The following PTPRN2 variants were observed in gnomAD, a reference collection of about 807,000 sequenced individuals.
PTPRN2 encodes receptor-type tyrosine-protein phosphatase N2.
In PTPRN2, 74 loss-of-function variants were observed where a neutral mutation model predicts 118.8. The observed-to-expected ratio is 0.62, with a 90% CI of 0.52 to 0.76. The LOEUF is 0.76. Among genes scored for constraint, PTPRN2 ranks in the 30% least tolerant of loss-of-function variants. The probability of loss-of-function intolerance (pLI) is 0.00; values close to 1 mark genes in which losing one functional copy is unlikely to be tolerated. For synonymous variants in PTPRN2, 641 were observed against 608.0 expected (o/e 1.05, Z -0.80); for missense variants, 1,481 against 1,394.4 (o/e 1.06, Z -0.99).
At chr7:158,254,946 C>T (rs10248016) in intron 3 of PTPRN2, among the ~76,000 whole-genome samples, 121,248 of 152,272 alleles carry the variant, frequency 0.8, 48,578 homozygotes, top group African/African-American at 0.87. Flanking sequence ...GGGAAAATCC[C>T]GAGGCATGGC....
chr7:158,346,293 C>T (rs942730079), intron 2 of PTPRN2, among the ~76,000 whole-genome samples: 4 of 152,336 alleles, frequency 2.6e-5, no homozygotes, highest in African/African-American at 9.6e-5. Flanking sequence ...CTCCCCATTC[C>T]CTCCACCCCT....
rs1023983944 is a variant in PTPRN2 at position 157,676,315 on chromosome 7, G to A, written c.2001+6410C>T. 3.9e-5 allele frequency among the ~76,000 whole-genome samples: 6 copies of A among 151,948 alleles called. No individual in the cohort carries two copies. Among genetic ancestry groups the A allele is most frequent in the South Asian group, 2.1e-4 (1 of 4,806 alleles). ...GCCACGCCTCCATCTCCCGCCAGCCGCCAAGAGCTCCACCCACCACCTGGC... is the reference window on the plus strand; with the variant it reads ...GCCACGCCTCCATCTCCCGCCAGCCACCAAGAGCTCCACCCACCACCTGGC... On this transcript the variant is annotated intron_variant, in intron 13 of 22. Transcript: ENST00000389418. This position sits in a 1 kb window ranked among gnomAD's most constrained non-coding sequence, Gnocchi z 5.6.
Position 158,337,396 on chromosome 7 carries a change from C to A in PTPRN2, c.164-20464G>T, listed in dbSNP as rs375115517. Among the ~76,000 whole-genome samples, 5 of 142,730 alleles carry A rather than the reference C, an allele frequency of 3.5e-5. No homozygotes were observed. In the South Asian group the frequency reaches 9.7e-4, roughly 28 times the overall value. The allele number at this position is 142,730 out of a possible 152,430, so 93.6% of individuals were successfully genotyped here. A position where few individuals can be genotyped will look rare whatever the true frequency, so the allele number is the denominator to read the frequency against. On this transcript the variant is annotated intron_variant, in intron 2 of 22. Coordinates refer to ENST00000389418, the MANE Select transcript of PTPRN2 (RefSeq NM_002847.5). The stretch of plus-strand genomic sequence containing the variant: ...ACACTCTCACCATAAGAGGTAACAC[C>A]TGCAGACGTCCCTCACACCCACACT...
chr7:158,503,521 T>C (rs1822525605), intron 1 of PTPRN2, among the ~76,000 whole-genome samples: 1 of 152,150 alleles, frequency 6.6e-6, no homozygotes, highest in African/African-American at 2.4e-5. Context: ...ATCCGTTCAT[T>C]GCACATCTCT....
At chr7:158,113,373 T>G (rs1021450834) in intron 9 of PTPRN2, among the ~76,000 whole-genome samples, 1 of 152,162 alleles carries the variant, frequency 6.6e-6, no homozygotes, top group Non-Finnish European at 1.5e-5. Flanking sequence ...CAGTTTCTGT[T>G]AAGCTGGAAG....
chr7:158,411,212 C>T lies in PTPRN2; in HGVS notation c.163+78523G>A, dbSNP rs192519998. Among the ~76,000 whole-genome samples, 431 of 152,330 alleles carry T rather than the reference C, an allele frequency of 2.8e-3. 3 individuals carry two copies. Among genetic ancestry groups the T allele is most frequent in the African/African-American group, 9.9e-3 (413 of 41,576 alleles). ...CATCCCTTACAACCAAACGCAGCTC[C>T]GTTTCTGCCTCCCACGGCTTCTTCA... On this transcript the variant is annotated intron_variant, in intron 2 of 22. Transcript: ENST00000389418.
At position 157,576,578 on chromosome 7, in the gene PTPRN2, C is replaced by T. The variant is rs768863361; in HGVS notation, c.2783+35G>A. On this transcript the variant is annotated intron_variant, in intron 19 of 22. Coordinates refer to ENST00000389418, the MANE Select transcript of PTPRN2 (RefSeq NM_002847.5). ...TCGCTCCCCTGTGCCGCGCGCTCAG[C>T]GCGCACTGCCCTGCCGGCGGGCCGC... 4 of 1,575,944 alleles carry T rather than the reference C, an allele frequency of 2.5e-6. No homozygotes were observed. In the South Asian group the frequency reaches 3.4e-5, roughly 14 times the overall value.
At chr7:157,571,386 A>AGAT in intron 20 of PTPRN2, 54 bp downstream of exon 20, 1 of 1,340,986 alleles carries the variant, frequency 7.5e-7, no homozygotes, top group South Asian at 1.3e-5. Context: ...TTAATTGCAT[A>AGAT]GATTAGTTTT....
intron 4 of PTPRN2, among the ~76,000 whole-genome samples, chr7:158,202,545 G>C (rs1826722452): frequency 6.6e-6 from 1 of 152,190 alleles, no homozygotes; most frequent in Non-Finnish European, 1.5e-5. Flanking sequence ...ACCAAAGCCA[G>C]AGGCCCAGAG....
At chr7:157,599,391 C>T (rs1433820757) in intron 16 of PTPRN2, among the ~76,000 whole-genome samples, 1 of 152,192 alleles carries the variant, frequency 6.6e-6, no homozygotes, top group Non-Finnish European at 1.5e-5. Flanking sequence ...ATGAAGATGT[C>T]ATATGAACTA....
At chr7:158,505,593 A>T (rs934113840) in intron 1 of PTPRN2, among the ~76,000 whole-genome samples, 1 of 152,206 alleles carries the variant, frequency 6.6e-6, no homozygotes, top group South Asian at 2.1e-4. Flanking sequence ...TTTAATTTGA[A>T]AGCATGTATT....
In PTPRN2 at chr7:157,786,192, C is replaced by T. The variant is rs116262404; in HGVS notation, c.1789-103255G>A. On this transcript the variant is annotated intron_variant, in intron 12 of 22. Coordinates refer to ENST00000389418, the MANE Select transcript of PTPRN2 (RefSeq NM_002847.5). ...CTGCTCACACAAACCACACGGGGAACGGCACAGGTAATATTAACCAGGACT... is the reference window on the plus strand; with the variant it reads ...CTGCTCACACAAACCACACGGGGAATGGCACAGGTAATATTAACCAGGACT... Among the ~76,000 whole-genome samples, 1,134 of 152,320 alleles carry T rather than the reference C, an allele frequency of 7.4e-3. 14 individuals carry two copies. Among genetic ancestry groups the T allele is most frequent in the African/African-American group, 0.026 (1,069 of 41,570 alleles).
intron 11 of PTPRN2, among the ~76,000 whole-genome samples, chr7:157,965,295 C>CT (rs1801843045): frequency 6.6e-6 from 1 of 152,166 alleles, no homozygotes; most frequent in South Asian, 2.1e-4. Context: ...CTCTTATGAA[C>CT]ACTGGCAAGA....
At chr7:157,736,769 C>T (rs866879361) in intron 12 of PTPRN2, among the ~76,000 whole-genome samples, 2 of 152,176 alleles carry the variant, frequency 1.3e-5, no homozygotes, top group East Asian at 1.9e-4. Flanking sequence ...CCTGCTCTTT[C>T]GTGGACGGCG....
chr7:158,072,754 C>T (rs921349828), intron 11 of PTPRN2, among the ~76,000 whole-genome samples: 1 of 152,216 alleles, frequency 6.6e-6, no homozygotes, highest in Non-Finnish European at 1.5e-5. Context: ...TTGTGCCACA[C>T]ACTCCAGCTG....
chr7:157,713,529 G>A (rs140753553), intron 12 of PTPRN2, among the ~76,000 whole-genome samples: 3 of 152,110 alleles, frequency 2.0e-5, no homozygotes, highest in East Asian at 1.9e-4. Context: ...GTCAACAGCC[G>A]TTCCTCCATC....
intron 1 of PTPRN2, among the ~76,000 whole-genome samples, chr7:158,567,725 G>C (rs552669752): frequency 6.6e-6 from 1 of 152,320 alleles, no homozygotes; most frequent in East Asian, 1.9e-4. Context: ...GACTCTGCAA[G>C]GGGAGAGAAC....
chr7:158,275,371 A>G (rs1324622543), intron 3 of PTPRN2, among the ~76,000 whole-genome samples: 1 of 152,102 alleles, frequency 6.6e-6, no homozygotes, highest in Admixed American at 6.5e-5. Flanking sequence ...GTGCTGGCAG[A>G]CCCACTCTGT....
At chr7:158,171,906 A>G (rs1030487341) in intron 5 of PTPRN2, among the ~76,000 whole-genome samples, 57 of 152,206 alleles carry the variant, frequency 3.7e-4, no homozygotes, top group Admixed American at 3.7e-3. Context: ...GCATAGACAC[A>G]GACTAATTTC....
Sources: allele counts gnomAD v4.1 joint callset (sites outside exome capture counted in the v4.1 genomes callset), GRCh38; gene constraint gnomAD v4.1.1; non-coding constraint Gnocchi (gnomAD v3.1); transcripts MANE v1.5; gene names NCBI Gene and HGNC (gene_info 2026-07-23, HGNC 2026-07-21).